Variants in PAX2 observed in about 807,000 individuals in gnomAD.
The protein encoded by PAX2 is paired box protein Pax-2.
Under a neutral mutation model 41.7 loss-of-function variants are expected in PAX2, and 9 were observed. The ratio of observed to expected loss-of-function variants is 0.22; its 90% CI spans 0.13 to 0.38. PAX2 has a LOEUF of 0.38. PAX2 is among the 10% of genes least tolerant of loss of function. The pLI is 1.00. For synonymous variants in PAX2, 221 were observed against 212.7 expected, an observed-to-expected ratio of 1.04 and a Z score of -0.34; for missense variants, 418 against 531.6, an observed-to-expected ratio of 0.79 and a Z score of 2.10.
In PAX2 at chr10:100,826,979, T is replaced by C; in HGVS notation, c.1022-30T>C. On this transcript the variant is annotated intron_variant, in intron 8 of 9. Transcript: ENST00000355243. This position sits in a 1 kb window ranked among gnomAD's most constrained non-coding sequence, Gnocchi z 5.5. Reference sequence around the variant, plus strand: ...TGGGGTCCGCCCTGGCTTGCAGGCGTCTGATCCCCACTCCCCGACCCTCCC... The same window carrying C: ...TGGGGTCCGCCCTGGCTTGCAGGCGCCTGATCCCCACTCCCCGACCCTCCC... 1 of 1,534,076 alleles carries C rather than the reference T, an allele frequency of 6.5e-7. No individual in the cohort carries two copies. Among genetic ancestry groups the C allele is most frequent in the Non-Finnish European group, 9.0e-7 (1 of 1,108,126 alleles).
intron 3 of PAX2, among the ~76,000 whole-genome samples, chr10:100,763,629 G>T (rs1485146417): frequency 1.3e-5 from 2 of 152,174 alleles, no homozygotes; most frequent in Non-Finnish European, 2.9e-5. Flanking sequence ...TGCCTGTTAG[G>T]CCTGGTTTCT....
At chr10:100,758,122 G>C (rs185986167) in intron 3 of PAX2, among the ~76,000 whole-genome samples, 20 of 151,944 alleles carry the variant, frequency 1.3e-4, no homozygotes, top group African/African-American at 4.1e-4. Flanking sequence ...GCAGGGCAGG[G>C]GGAGCGAGTC....
At chr10:100,756,718 AT>A (rs1270768289) in intron 3 of PAX2, among the ~76,000 whole-genome samples, 5 of 152,118 alleles carry the variant, frequency 3.3e-5, no homozygotes, top group African/African-American at 1.2e-4. Context: ...AAAATAATTT[AT>A]TTTTCACTTC....
chr10:100,824,927 C>T lies in PAX2; in HGVS notation c.1021+178C>T. On this transcript the variant is annotated intron_variant, in intron 8 of 9. Coordinates refer to ENST00000355243, the MANE Select transcript of PAX2 (RefSeq NM_000278.5). The surrounding 1 kb of genome is among the most constrained non-coding windows in gnomAD (Gnocchi z 6.6). ...AGGCTGCAGTTGGTCCCTCATCCTC[C>T]CTCATGAGCAAGCCGGGGAGGAAGC... 6.2e-7 allele frequency: 1 copy of T among 1,614,120 alleles called. No homozygotes were observed. The highest frequency in any genetic ancestry group is 1.1e-5 in the South Asian group (1 of 91,082).
chr10:100,749,520 G>A, intron 1 of PAX2: 1 of 1,347,958 alleles, frequency 7.4e-7, no homozygotes, highest in Non-Finnish European at 9.5e-7. Context: ...GCGTCGCAAG[G>A]CCTGAGTCGC....
At chr10:100,794,288 C>T (rs996585714) in intron 5 of PAX2, among the ~76,000 whole-genome samples, 2 of 152,212 alleles carry the variant, frequency 1.3e-5, no homozygotes, top group African/African-American at 4.8e-5. Context: ...TCCAAATGTC[C>T]AGATGTGGGT....
chr10:100,750,975 C>T lies in PAX2; in HGVS notation c.410+84C>T, dbSNP rs964723498. 9 of 1,059,332 alleles carry T rather than the reference C, an allele frequency of 8.5e-6. No individual in the cohort carries two copies. Among genetic ancestry groups the T allele is most frequent in the Non-Finnish European group, 1.3e-5 (9 of 684,814 alleles). 65.6% of individuals were successfully genotyped at this position (1,059,332 alleles called of 1,614,324 possible). A position where few individuals can be genotyped will look rare whatever the true frequency, so the allele number is the denominator to read the frequency against. On this transcript the variant is annotated intron_variant, in intron 3 of 9. Coordinates refer to ENST00000355243, the MANE Select transcript of PAX2 (RefSeq NM_000278.5). The surrounding 1 kb of genome is among the most constrained non-coding windows in gnomAD (Gnocchi z 4.1). ...GGGTGTCCCACGCCCAGTCTCTGCT[C>T]TTTGTCCAGCCTCTGCCCTTTCTCC...
In PAX2 at chr10:100,750,643, T is replaced by A; in HGVS notation, c.213-51T>A. 1.3e-6 allele frequency: 2 copies of A among 1,529,080 alleles called. No individual in the cohort carries two copies. Among genetic ancestry groups the A allele is most frequent in the South Asian group, 1.1e-5 (1 of 88,972 alleles). The allele number at this position is 1,529,080 out of a possible 1,614,324, so 94.7% of individuals were successfully genotyped here. ...GCAGCTCTGGAACCTGCAGCCCCCC[T>A]GCCCCGCCACAGTCCGCTTCTGGCT... On this transcript the variant is annotated intron_variant, in intron 2 of 9. Transcript: ENST00000355243. This position sits in a 1 kb window ranked among gnomAD's most constrained non-coding sequence, Gnocchi z 4.1.
chr10:100,750,955 TC>T lies in PAX2; in HGVS notation c.410+67del. 1.6e-6 allele frequency: 2 copies of T among 1,232,936 alleles called. No homozygotes were observed. The highest frequency in any genetic ancestry group is 1.2e-6 in the Non-Finnish European group (1 of 837,170). 76.4% of individuals were successfully genotyped at this position (1,232,936 alleles called of 1,614,324 possible). On this transcript the variant is annotated intron_variant, in intron 3 of 9. Transcript: ENST00000355243. This position sits in a 1 kb window ranked among gnomAD's most constrained non-coding sequence, Gnocchi z 4.1. ...CTCCTGGCTCCTGCCTGCAGGGGTG[TC>T]CCACGCCCAGTCTCTGCTCTTTGTC...
chr10:100,749,754 G>A lies in PAX2; in HGVS notation c.52G>A (p.Gly18Arg). Residue 18 changes from glycine to arginine, a missense_variant, in exon 2 of 10, where the codon GGG becomes AGG. Gly to Arg is a moderately radical substitution (Grantham distance 125). Transcript: ENST00000355243. ...TTCTTGTCTCTCCCCAGCAGGGCACGGGGGTGTGAACCAGCTCGGGGGGGT... is the reference window on the plus strand; with the variant it reads ...TTCTTGTCTCTCCCCAGCAGGGCACAGGGGTGTGAACCAGCTCGGGGGGGT... ...DPFSAMHPGH[G>R]GVNQLGGVFV... 1 of 1,610,562 alleles carries A rather than the reference G, an allele frequency of 6.2e-7. No individual in the cohort carries two copies. The highest frequency in any genetic ancestry group is 8.5e-7 in the Non-Finnish European group (1 of 1,177,854).
chr10:100,786,605 C>T (rs935549569), intron 5 of PAX2, among the ~76,000 whole-genome samples: 2 of 152,262 alleles, frequency 1.3e-5, no homozygotes, highest in Middle Eastern at 3.4e-3. Flanking sequence ...GGGTAGTGTG[C>T]GTGCTTGGAG....
At chr10:100,735,710 T>C (rs925144753) in exon 1 of PAX2, 2 of 1,050,208 alleles carry the variant, frequency 1.9e-6, no homozygotes, top group African/African-American at 1.7e-5. Context: ...GAGCCTAGCA[T>C]GGAAGAGCGC....
At chr10:100,796,119 A>G (rs1847324558) in intron 5 of PAX2, among the ~76,000 whole-genome samples, 1 of 152,168 alleles carries the variant, frequency 6.6e-6, no homozygotes, top group Non-Finnish European at 1.5e-5. Flanking sequence ...AAAAAAAGTG[A>G]CTTCTATGAT....
chr10:100,827,101 T>C lies in PAX2; in HGVS notation c.1108+6T>C. 3.7e-6 allele frequency: 6 copies of C among 1,607,530 alleles called. No individual in the cohort carries two copies. The highest frequency in any genetic ancestry group is 5.1e-6 in the Non-Finnish European group (6 of 1,174,154). Reference sequence around the variant, plus strand: ...CAGCAACCCCGCCTTACTAAGTGAGTACGCCACCTGGCTGGCCGGCGGCTC... The same window carrying C: ...CAGCAACCCCGCCTTACTAAGTGAGCACGCCACCTGGCTGGCCGGCGGCTC... On this transcript the variant is annotated splice_donor_region_variant and intron_variant, in intron 9 of 9. Coordinates refer to ENST00000355243, the MANE Select transcript of PAX2 (RefSeq NM_000278.5). This position sits in a 1 kb window ranked among gnomAD's most constrained non-coding sequence, Gnocchi z 8.5.
intron 7 of PAX2, among the ~76,000 whole-genome samples, chr10:100,811,016 A>G (rs1427077256): frequency 6.6e-6 from 1 of 152,236 alleles, no homozygotes; most frequent in Admixed American, 6.5e-5. Flanking sequence ...CGACATTTCA[A>G]TCAAGCGAGG....
chr10:100,778,324 C>G (rs1370456557), intron 3 of PAX2, among the ~76,000 whole-genome samples: 1 of 152,232 alleles, frequency 6.6e-6, no homozygotes, highest in Non-Finnish European at 1.5e-5. Flanking sequence ...CCCTCTCCTG[C>G]AAGGGGAATG....
chr10:100,813,643 GA>G (rs1253788854), intron 7 of PAX2, among the ~76,000 whole-genome samples: 3 of 152,230 alleles, frequency 2.0e-5, no homozygotes, highest in Non-Finnish European at 4.4e-5. Flanking sequence ...GGGAAACAAG[GA>G]AGGGGGCAGA....
At chr10:100,740,272 T>C (rs1391767605) in intron 1 of PAX2, among the ~76,000 whole-genome samples, 1 of 149,046 alleles carries the variant, frequency 6.7e-6, no homozygotes, top group East Asian at 2.0e-4. Context: ...GTGGTGGTGG[T>C]TGGGGGGTGG....
At position 100,747,915 on chromosome 10, in the gene PAX2, C is replaced by A. The variant is rs1845261328; in HGVS notation, c.43+1612C>A. ...GGATTCCGCCGGGGGTCCGCCGAGT[C>A]CTGGCTGCCCGCGGGCAGCCACTTT... On this transcript the variant is annotated intron_variant, in intron 1 of 9. Transcript: ENST00000355243. 9.1e-6 allele frequency: 9 copies of A among 983,846 alleles called. No homozygotes were observed. In the African/African-American group the frequency reaches 1.1e-4, roughly 12 times the overall value. 60.9% of individuals were successfully genotyped at this position (983,846 alleles called of 1,614,324 possible).
Sources: allele counts gnomAD v4.1 joint callset (sites outside exome capture counted in the v4.1 genomes callset), GRCh38; gene constraint gnomAD v4.1.1; non-coding constraint Gnocchi (gnomAD v3.1); transcripts MANE v1.5; gene names NCBI Gene and HGNC (gene_info 2026-07-23, HGNC 2026-07-21).